Variants in KLHL14 observed in about 807,000 individuals in gnomAD.
KLHL14 encodes the protein kelch like family member 14, also known as kelch-like protein 14.
A neutral mutation model predicts 64.3 loss-of-function variants in KLHL14; 22 were observed. That is an observed-to-expected ratio of 0.34 (90% CI 0.24 to 0.49). The LOEUF (loss-of-function observed/expected upper bound fraction) is 0.49. Ranked by LOEUF, KLHL14 falls within the 20% of genes least tolerant of loss-of-function variation. The probability of loss-of-function intolerance (pLI) is 0.99; values close to 1 mark genes in which losing one functional copy is unlikely to be tolerated. For synonymous variants in KLHL14, 322 were observed against 333.4 expected, an observed-to-expected ratio of 0.97 and a Z score of 0.37; for missense variants, 661 against 789.0, an observed-to-expected ratio of 0.84 and a Z score of 1.94.
chr18:32,762,145 T>C (rs1016527374), intron 2 of KLHL14, among the ~76,000 whole-genome samples: 1 of 152,162 alleles, frequency 6.6e-6, no homozygotes, highest in African/African-American at 2.4e-5. Flanking sequence ...ATATACATAG[T>C]TATTGAACCG....
chr18:32,761,832 G>A (rs983689750), intron 2 of KLHL14, among the ~76,000 whole-genome samples: 14 of 152,106 alleles, frequency 9.2e-5, no homozygotes, highest in African/African-American at 3.4e-4. Context: ...CACAACTTCT[G>A]ATTAGTAGTA....
rs33924704 is a variant in KLHL14, at chr18:32,725,020, C to CTTT, written c.1069+16905_1069+16907dup. Among the ~76,000 whole-genome samples the CTTT allele has an allele frequency of 2.7e-3, 400 of 146,220 alleles. 6 individuals carry two copies. The highest frequency in any genetic ancestry group is 8.6e-3 in the African/African-American group (342 of 39,964). Reference sequence around the variant, plus strand: ...TAAAATAAAAATTCCCCTCCCTTCCCTTTTTTTTTTTAGAGACAGGATCTT... The same window carrying CTTT: ...TAAAATAAAAATTCCCCTCCCTTCCCTTTTTTTTTTTTTTAGAGACAGGATCTT... On this transcript the variant is annotated intron_variant, in intron 3 of 8. Transcript: ENST00000359358.
chr18:32,737,747 G>A (rs2144526240), intron 3 of KLHL14: 1 of 152,204 alleles, frequency 6.6e-6, no homozygotes, highest in Non-Finnish European at 1.5e-5. Flanking sequence ...CCACCCAACA[G>A]TTTCCTTTAT....
At position 32,770,973 on chromosome 18, in the gene KLHL14, G is replaced by A. The variant is rs1041227519; in HGVS notation, c.-43-339C>T. 4.6e-6 allele frequency: 2 copies of A among 434,066 alleles called. No individual in the cohort carries two copies. The highest frequency in any genetic ancestry group is 2.6e-5 in the Admixed American group (1 of 37,888). The allele number at this position is 434,066 out of a possible 1,614,324, so 26.9% of individuals were successfully genotyped here. A position where few individuals can be genotyped will look rare whatever the true frequency, so the allele number is the denominator to read the frequency against. On this transcript the variant is annotated intron_variant, in intron 1 of 8. Coordinates refer to ENST00000359358, the MANE Select transcript of KLHL14 (RefSeq NM_020805.3). The surrounding 1 kb of genome is among the most constrained non-coding windows in gnomAD (Gnocchi z 6.7). ...TGGCAGCAACAGCAGTGGCAGCAGC[G>A]ACGGCAAAGTGGCGGCTGAGGCCGA...
At chr18:32,741,597 C>T (rs1298956864) in intron 3 of KLHL14, among the ~76,000 whole-genome samples, 2 of 152,126 alleles carry the variant, frequency 1.3e-5, no homozygotes, top group Admixed American at 6.6e-5. Context: ...ATAAACCAAC[C>T]TTTTGCTTTT....
intron 2 of KLHL14, chr18:32,745,147 T>A (rs1276753557): frequency 6.6e-6 from 1 of 152,238 alleles, no homozygotes; most frequent in African/African-American, 2.4e-5. Context: ...TGAATCAAGA[T>A]GCCTTCCAAA....
intron 2 of KLHL14, chr18:32,744,008 G>A (rs889938693): frequency 5.3e-5 from 8 of 152,144 alleles, no homozygotes; most frequent in South Asian, 4.2e-4. Context: ...TGGAAGTCAC[G>A]ATTCTGTGAC....
intron 2 of KLHL14, among the ~76,000 whole-genome samples, chr18:32,752,243 A>G (rs1463106097): frequency 6.6e-6 from 1 of 152,160 alleles, no homozygotes; most frequent in African/African-American, 2.4e-5. Flanking sequence ...ATCTAGGAGG[A>G]TGTTATAGAT....
intron 8 of KLHL14, 113 bp downstream of exon 8, chr18:32,677,060 G>T: frequency 3.5e-6 from 4 of 1,150,638 alleles, no homozygotes; most frequent in Non-Finnish European, 4.9e-6. Context: ...CTGCTTGCAT[G>T]TAAGTATGAT....
intron 4 of KLHL14, among the ~76,000 whole-genome samples, chr18:32,689,795 C>A (rs2049898075): frequency 6.6e-6 from 1 of 152,028 alleles, no homozygotes; most frequent in Non-Finnish European, 1.5e-5. Context: ...AGATTGGAGG[C>A]AACAAAATGA....
intron 4 of KLHL14, among the ~76,000 whole-genome samples, chr18:32,693,897 G>T (rs565879747): frequency 1.6e-4 from 25 of 152,248 alleles, no homozygotes; most frequent in Admixed American, 9.2e-4. Flanking sequence ...CAACTCTCCC[G>T]TGTTCCCCCC....
rs1292573672 is a variant in KLHL14 at position 32,772,304 on chromosome 18, C to G, written c.-44+363G>C. The stretch of plus-strand genomic sequence containing the variant: ...CCGTTCCAGGTGGACCCTACCCTCC[C>G]TCGCGCTCCCTCCGCCGGCAGCACC... On this transcript the variant is annotated intron_variant, in intron 1 of 8. Transcript: ENST00000359358. 4 of 338,750 alleles carry G rather than the reference C, an allele frequency of 1.2e-5. No homozygotes were observed. The Admixed American group carries it at 1.2e-4, about 10-fold the overall frequency. 21.0% of individuals were successfully genotyped at this position (338,750 alleles called of 1,614,324 possible). A position where few individuals can be genotyped will look rare whatever the true frequency, so the allele number is the denominator to read the frequency against.
rs770999884 is a variant in KLHL14 at position 32,770,997 on chromosome 18, G to A, written c.-43-363C>T. ...CGACGGCAAAGTGGCGGCTGAGGCC[G>A]AGGCACCTCGTGGGCTCGTGTCCAT... On this transcript the variant is annotated intron_variant, in intron 1 of 8. Transcript: ENST00000359358. This position sits in a 1 kb window ranked among gnomAD's most constrained non-coding sequence, Gnocchi z 6.7. The A allele has an allele frequency of 9.7e-6, 4 of 412,018 alleles. No homozygotes were observed. The highest frequency in any genetic ancestry group is 2.1e-5 in the African/African-American group (1 of 47,012). 25.5% of individuals were successfully genotyped at this position (412,018 alleles called of 1,614,324 possible).
chr18:32,739,557 A>G (rs535302142), intron 3 of KLHL14, among the ~76,000 whole-genome samples: 7 of 152,242 alleles, frequency 4.6e-5, no homozygotes, highest in African/African-American at 1.4e-4. Flanking sequence ...TAAGTAGAGT[A>G]AACATTTATT....
At chr18:32,739,987 A>G (rs951982463) in intron 3 of KLHL14, among the ~76,000 whole-genome samples, 3 of 152,162 alleles carry the variant, frequency 2.0e-5, no homozygotes, top group African/African-American at 2.4e-5. Context: ...TGATTTATAA[A>G]CACAATTTTT....
At chr18:32,699,531 C>T (rs900385757) in intron 3 of KLHL14, among the ~76,000 whole-genome samples, 1 of 152,002 alleles carries the variant, frequency 6.6e-6, no homozygotes, top group Non-Finnish European at 1.5e-5. Flanking sequence ...GGGTAAGTCA[C>T]TTGTTGAAGG....
At chr18:32,767,689 G>A (rs544154700) in intron 2 of KLHL14, among the ~76,000 whole-genome samples, 11 of 152,162 alleles carry the variant, frequency 7.2e-5, no homozygotes, top group South Asian at 4.2e-4. Context: ...GTGGGAAATG[G>A]ATTTTGCATT....
At chr18:32,705,287 C>A (rs941435580) in intron 3 of KLHL14, among the ~76,000 whole-genome samples, 3 of 152,140 alleles carry the variant, frequency 2.0e-5, no homozygotes, top group Admixed American at 2.0e-4. Flanking sequence ...GTTGAATGTT[C>A]CCAACACAAA....
intron 3 of KLHL14, among the ~76,000 whole-genome samples, chr18:32,733,026 T>C (rs2050144527): frequency 6.6e-6 from 1 of 152,106 alleles, no homozygotes. Flanking sequence ...AAAGAGATGA[T>C]CTCAGAAAAA....
Sources: allele counts gnomAD v4.1 joint callset (sites outside exome capture counted in the v4.1 genomes callset), GRCh38; gene constraint gnomAD v4.1.1; non-coding constraint Gnocchi (gnomAD v3.1); transcripts MANE v1.5; gene names NCBI Gene and HGNC (gene_info 2026-07-23, HGNC 2026-07-21).